The following NAA11 variants were observed in gnomAD, a reference collection of about 807,000 sequenced individuals.
NAA11 encodes the protein N-alpha-acetyltransferase 11.
A neutral mutation model predicts 16.1 loss-of-function variants in NAA11; 15 were observed. That is an observed-to-expected ratio of 0.93 (90% CI 0.62 to 1.44). The LOEUF (loss-of-function observed/expected upper bound fraction) is 1.44. NAA11 is among the 40% of genes most tolerant of loss of function. The pLI is 0.00. For synonymous variants in NAA11, 122 were observed against 112.4 expected, an observed-to-expected ratio of 1.09 and a Z score of -0.54; for missense variants, 298 against 291.3, an observed-to-expected ratio of 1.02 and a Z score of -0.17.
chr4:79,289,336 C>G (rs1318167973), intron 2 of NAA11, among the ~76,000 whole-genome samples: 1 of 152,178 alleles, frequency 6.6e-6, no homozygotes, highest in African/African-American at 2.4e-5. Context: ...AGAGAAAAAT[C>G]TCAAAACAAT....
At chr4:79,249,484 C>CA in intron 2 of NAA11, among the ~76,000 whole-genome samples, 1 of 152,318 alleles carries the variant, frequency 6.6e-6, no homozygotes, top group Non-Finnish European at 1.5e-5. Context: ...CTAGCATTAA[C>CA]AGCAGAATTG....
intron 2 of NAA11, among the ~76,000 whole-genome samples, chr4:79,272,862 A>G (rs1244153824): frequency 6.6e-6 from 1 of 151,752 alleles, no homozygotes; most frequent in East Asian, 2.0e-4. Flanking sequence ...ATTGCTAGAG[A>G]TGGTTGGAAT....
the NAA11 span, among the ~76,000 whole-genome samples, chr4:79,193,273 G>A: frequency 6.6e-6 from 1 of 152,046 alleles, no homozygotes; most frequent in South Asian, 2.1e-4. Flanking sequence ...CATTGCTTTT[G>A]GTGTTTTTGG....
At chr4:79,254,506 G>A (rs56008448) in intron 2 of NAA11, among the ~76,000 whole-genome samples, 16,758 of 152,088 alleles carry the variant, frequency 0.11, 1,153 homozygotes, top group African/African-American at 0.18. Flanking sequence ...TCCACATGGT[G>A]TCCCAGATTC....
chr4:79,242,865 T>C (rs368919069), intron 2 of NAA11, among the ~76,000 whole-genome samples: 13 of 152,238 alleles, frequency 8.5e-5, no homozygotes, highest in African/African-American at 2.9e-4. Context: ...GGCTGGTTTA[T>C]GTCTAACCTG....
intron 1 of NAA11, among the ~76,000 whole-genome samples, chr4:79,295,376 T>C (rs1314703204): frequency 1.3e-5 from 2 of 152,216 alleles, no homozygotes; most frequent in East Asian, 3.8e-4. Context: ...TGTTTCAGGA[T>C]TACAGGCTTT....
At chr4:79,265,555 G>C (rs1722327330) in intron 2 of NAA11, among the ~76,000 whole-genome samples, 1 of 152,132 alleles carries the variant, frequency 6.6e-6, no homozygotes, top group Non-Finnish European at 1.5e-5. Context: ...TCTTTGAACA[G>C]CTCAGCAGCC....
At chr4:79,225,986 A>G (rs1313864250) in exon 3 of NAA11, 11 of 152,062 alleles carry the variant, frequency 7.2e-5, no homozygotes, top group Non-Finnish European at 7.4e-5. Flanking sequence ...TGGAAAAGTT[A>G]TATCCTTCCC....
At chr4:79,228,178 GT>G (rs1374203467) in intron 2 of NAA11, among the ~76,000 whole-genome samples, 1 of 151,872 alleles carries the variant, frequency 6.6e-6, no homozygotes, top group Non-Finnish European at 1.5e-5. Flanking sequence ...TTGTTTGTTT[GT>G]TTTCTGGCCT....
the NAA11 span, chr4:79,196,011 A>C: frequency 6.6e-6 from 1 of 152,250 alleles, no homozygotes; most frequent in Non-Finnish European, 1.5e-5. Context: ...GAATGGACTA[A>C]TACACCTGCC....
intron 2 of NAA11, among the ~76,000 whole-genome samples, chr4:79,292,838 T>A (rs1723118361): frequency 6.6e-6 from 1 of 152,232 alleles, no homozygotes; most frequent in South Asian, 2.1e-4. Flanking sequence ...GTTGCTATAT[T>A]CAGGTTTTGA....
At chr4:79,181,727 G>A in the NAA11 span, among the ~76,000 whole-genome samples, 1 of 152,188 alleles carries the variant, frequency 6.6e-6, no homozygotes, top group African/African-American at 2.4e-5. Context: ...GCTTTTGAAA[G>A]AAGGAAAAGA....
intron 1 of NAA11, among the ~76,000 whole-genome samples, chr4:79,324,217 T>C (rs1001830823): frequency 3.3e-5 from 5 of 152,216 alleles, no homozygotes; most frequent in Admixed American, 2.6e-4. Flanking sequence ...AGGCATCCTA[T>C]TATTTCAGCT....
intron 1 of NAA11, among the ~76,000 whole-genome samples, chr4:79,302,584 T>C (rs558005046): frequency 1.1e-3 from 172 of 152,232 alleles, no homozygotes; most frequent in African/African-American, 3.9e-3. Context: ...AATGTATATA[T>C]CTTTATTCTA....
chr4:79,318,632 A>G (rs1341436462), intron 1 of NAA11, among the ~76,000 whole-genome samples: 1 of 152,238 alleles, frequency 6.6e-6, no homozygotes, highest in East Asian at 1.9e-4. Context: ...TGTAAGAGGT[A>G]ATACTATGTA....
chr4:79,233,104 GT>G (rs887517476), intron 2 of NAA11, among the ~76,000 whole-genome samples: 17 of 151,306 alleles, frequency 1.1e-4, no homozygotes, highest in South Asian at 2.1e-4. Context: ...TATTAGCTAA[GT>G]TTTTTTTTCC....
the NAA11 span, among the ~76,000 whole-genome samples, chr4:79,181,816 C>G: frequency 2.0e-5 from 3 of 152,168 alleles, no homozygotes; most frequent in East Asian, 3.9e-4. Context: ...GATGTGGCCA[C>G]TTCCATCTGT....
At chr4:79,175,825 T>G in the NAA11 span, among the ~76,000 whole-genome samples, 5 of 151,500 alleles carry the variant, frequency 3.3e-5, no homozygotes, top group African/African-American at 1.2e-4. Context: ...TTTTTATACA[T>G]CTAATGTAAT....
the NAA11 span, among the ~76,000 whole-genome samples, chr4:79,162,301 G>A: frequency 7.4e-3 from 1,134 of 152,278 alleles, 10 homozygotes; most frequent in Non-Finnish European, 0.011. Flanking sequence ...GCTTGAGCAT[G>A]ATCTGAAAGG....
Sources: gnomAD v4.1 joint callset for allele counts (sites outside exome capture counted in the v4.1 genomes callset) on GRCh38, gnomAD v4.1.1 for gene constraint, MANE v1.5 for transcripts, NCBI Gene and HGNC (gene_info 2026-07-23, HGNC 2026-07-21) for gene names.